Variants in HELQ observed in about 807,000 individuals in gnomAD.
HELQ encodes helicase, POLQ like.
In HELQ, 77 loss-of-function variants were observed where a neutral mutation model predicts 111.6. The observed-to-expected ratio is 0.69, with a 90% CI of 0.57 to 0.83. The LOEUF (loss-of-function observed/expected upper bound fraction) is 0.83. Ranked by LOEUF, HELQ falls within the 40% of genes least tolerant of loss-of-function variation. The probability of loss-of-function intolerance (pLI) is 0.00; values close to 1 mark genes in which losing one functional copy is unlikely to be tolerated. For missense variants in HELQ, 1,200 were observed against 1,288.5 expected (o/e 0.93, Z 1.05); for synonymous variants, 438 against 454.7 (o/e 0.96, Z 0.47).
At position 83,453,925 on chromosome 4, in the gene HELQ, G is replaced by A. The variant is rs1256449471; in HGVS notation, c.318C>T (p.Asp106=). ...VGDQPNDSEV[D]MFGDYDSFTE... ...TAAAGCTATCATAGTCACCAAACAT[G>A]TCCACTTCACTGTCATTAGGCTGCA... Residue 106 remains aspartate, a synonymous_variant, in exon 2 of 18, where the codon GAC becomes GAT. Coordinates refer to ENST00000295488, the MANE Select transcript of HELQ (RefSeq NM_133636.5). The A allele has an allele frequency of 1.2e-6, 2 of 1,609,358 alleles. No homozygotes were observed. Among genetic ancestry groups the A allele is most frequent in the Middle Eastern group, 1.6e-4 (1 of 6,076 alleles).
intron 11 of HELQ, among the ~76,000 whole-genome samples, 180 bp downstream of exon 11, chr4:83,431,484 A>C (rs931333298): frequency 6.6e-6 from 1 of 152,096 alleles, no homozygotes; most frequent in African/African-American, 2.4e-5. Flanking sequence ...AAAATTATTT[A>C]CATTAATCAC....
In HELQ at chr4:83,416,828, C is replaced by A; in HGVS notation, c.3101G>T (p.Ser1034Ile). Reference protein sequence around the residue: ...AKQLYSAGYKSLMHLANANPE... With the variant: ...AKQLYSAGYKILMHLANANPE... ...ATTTGCATTAGCTAAGTGCATTAGA[C>A]TTTTGTAACCTGCACTGTATAACTG... The change falls in exon 17 of 18, where the codon AGT (serine) becomes ATT (isoleucine). Residue 1034 changes from serine (S) to isoleucine (I), a missense_variant. Ser to Ile is a moderately radical substitution (Grantham distance 142, BLOSUM62 -2). Coordinates refer to ENST00000295488, the MANE Select transcript of HELQ (RefSeq NM_133636.5). 2 of 1,613,800 alleles carry A rather than the reference C, an allele frequency of 1.2e-6. No individual in the cohort carries two copies. Among genetic ancestry groups the A allele is most frequent in the Non-Finnish European group, 1.7e-6 (2 of 1,179,808 alleles).
chr4:83,435,329 A>G (rs1720389350), intron 9 of HELQ, among the ~76,000 whole-genome samples: 1 of 152,146 alleles, frequency 6.6e-6, no homozygotes, highest in Non-Finnish European at 1.5e-5. Flanking sequence ...AGAAAAGTCT[A>G]AAAGTTTCTG....
rs772677558 is a variant in HELQ, at chr4:83,427,644, G to C, written c.2595C>G (p.Ser865Arg). Residue 865 changes from serine to arginine, a missense_variant, in exon 13 of 18, where the codon AGC becomes AGG. Ser to Arg is a moderately radical substitution (Grantham distance 110). Transcript: ENST00000295488. The part of the protein sequence containing the change: ...KKGLEGLVLE[S>R]LLHLIYLTTP... ...TTGTTAGGTAGATTAGATGAAGAAG[G>C]CTTTCAAGCACAAGTCCTTCAAGAC... 1.2e-6 allele frequency: 2 copies of C among 1,607,112 alleles called. No homozygotes were observed. The highest frequency in any genetic ancestry group is 1.7e-6 in the Non-Finnish European group (2 of 1,176,830).
At chr4:83,409,261 G>C (rs1738959336) in intron 17 of HELQ, among the ~76,000 whole-genome samples, 1 of 151,968 alleles carries the variant, frequency 6.6e-6, no homozygotes, top group Admixed American at 6.6e-5. Flanking sequence ...TATATAAAAA[G>C]AAAACAAGGC....
At chr4:83,422,754 T>C (rs1474175027) in intron 14 of HELQ, among the ~76,000 whole-genome samples, 3 of 152,192 alleles carry the variant, frequency 2.0e-5, no homozygotes, top group Admixed American at 2.0e-4. Context: ...TTATGGCGGT[T>C]GTAGAAAATG....
intron 2 of HELQ, 136 bp from the exon 3 acceptor site, chr4:83,449,097 T>A: frequency 1.4e-6 from 1 of 705,404 alleles, no homozygotes; most frequent in East Asian, 2.8e-5. Flanking sequence ...TAACCAATGT[T>A]ACATGTCAAA....
In HELQ at chr4:83,446,094, AT is replaced by A. The variant is rs759242032; in HGVS notation, c.1393-9del. On this transcript the variant is annotated splice_polypyrimidine_tract_variant and intron_variant, in intron 4 of 17. Coordinates refer to ENST00000295488, the MANE Select transcript of HELQ (RefSeq NM_133636.5). ...TTCACCAATCATGTGCAACTTCGAG[AT>A]TTTTTTTAAAAAGGACAGAGAAGTA... is the stretch of plus-strand genomic sequence containing the variant. The A allele has an allele frequency of 9.3e-6, 15 of 1,605,444 alleles. No individual in the cohort carries two copies. Among genetic ancestry groups the A allele is most frequent in the African/African-American group, 1.3e-5 (1 of 74,716 alleles).
intron 14 of HELQ, among the ~76,000 whole-genome samples, chr4:83,425,274 C>A (rs1719785241): frequency 8.6e-6 from 1 of 116,710 alleles, no homozygotes; most frequent in South Asian, 2.5e-4. Context: ...AGTGAGACTG[C>A]ACCTCAAAAA....
intron 17 of HELQ, 111 bp from the exon 18 acceptor site, chr4:83,407,671 C>T (rs1738866140): frequency 1.5e-6 from 1 of 662,996 alleles, no homozygotes; most frequent in Non-Finnish European, 2.7e-6. Flanking sequence ...GAAATCTAGA[C>T]ATTAAAACTA....
chr4:83,426,698 G>A (rs916236654), intron 13 of HELQ, among the ~76,000 whole-genome samples: 4 of 151,836 alleles, frequency 2.6e-5, no homozygotes, highest in African/African-American at 9.7e-5. Context: ...TGAGTAGCTG[G>A]GACTACTGGT....
chr4:83,407,968 G>T (rs947274339), intron 17 of HELQ, among the ~76,000 whole-genome samples: 1 of 151,952 alleles, frequency 6.6e-6, no homozygotes, highest in African/African-American at 2.4e-5. Flanking sequence ...GCTTTAAAAA[G>T]CTACCAGTAT....
At chr4:83,442,674 G>C (rs376092009) in intron 6 of HELQ, among the ~76,000 whole-genome samples, 2 of 151,922 alleles carry the variant, frequency 1.3e-5, no homozygotes, top group East Asian at 3.9e-4. Context: ...GCCTCCCAAA[G>C]TGCTGGGATT....
At chr4:83,425,890 C>A in intron 14 of HELQ, 104 bp downstream of exon 14, 6 of 588,050 alleles carry the variant, frequency 1.0e-5, no homozygotes, top group Non-Finnish European at 1.8e-5. Context: ...AAATGTAAAC[C>A]AAAAAAGATC....
At chr4:83,439,061 G>A (rs1720620549) in intron 8 of HELQ, among the ~76,000 whole-genome samples, 1 of 151,768 alleles carries the variant, frequency 6.6e-6, no homozygotes, top group Admixed American at 6.6e-5. Flanking sequence ...TTAGGGTTTT[G>A]TCTTTTTTTT....
intron 6 of HELQ, among the ~76,000 whole-genome samples, chr4:83,442,305 T>C (rs1279603701): frequency 5.5e-5 from 8 of 146,466 alleles, no homozygotes; most frequent in Admixed American, 1.4e-4. Flanking sequence ...TCTCACTCTG[T>C]AGTCCAGGCT....
Position 83,427,609 on chromosome 4 carries a change from T to C in HELQ, c.2630A>G (p.Asp877Gly), listed in dbSNP as rs979658363. ...LHLIYLTTPY[D>G]LVSQCNPDWM... ...ATCAGGGTTACACTGTGAAACCAGA[T>C]CATAGGGGGTTGTTAGGTAGATTAG... is the stretch of plus-strand genomic sequence containing the variant. Residue 877 changes from aspartate (D) to glycine (G), a missense_variant, in exon 13 of 18, where the codon GAT becomes GGT. By Grantham distance (94) the Asp-to-Gly change is moderately conservative. Transcript: ENST00000295488. 1.9e-6 allele frequency: 3 copies of C among 1,604,126 alleles called. No individual in the cohort carries two copies. The South Asian group carries it at 3.4e-5, about 18-fold the overall frequency.
In HELQ at chr4:83,455,459, C is replaced by CT. The variant is rs1721715313; in HGVS notation, c.234dup (p.Gly79ArgfsTer3). On this transcript the variant is annotated frameshift_variant, in exon 1 of 18. Transcript: ENST00000295488. LOFTEE classifies it high-confidence loss of function. ...AGGAGGTCCGGGTTTGTATCACCAC[C>CT]TCCAAGGACGAGACATTCCGGGGAA... is the stretch of plus-strand genomic sequence containing the variant. The CT allele has an allele frequency of 6.2e-7, 1 of 1,614,096 alleles. No homozygotes were observed.
chr4:83,415,461 C>T (rs1427371357), intron 17 of HELQ, among the ~76,000 whole-genome samples: 2 of 151,986 alleles, frequency 1.3e-5, no homozygotes, highest in African/African-American at 4.8e-5. Flanking sequence ...TAAGAGTGTA[C>T]AAAAATAGAC....
Sources: gnomAD v4.1 joint callset for allele counts (sites outside exome capture counted in the v4.1 genomes callset) on GRCh38, gnomAD v4.1.1 for gene constraint, MANE v1.5 for transcripts, NCBI Gene and HGNC (gene_info 2026-07-23, HGNC 2026-07-21) for gene names.